The following ALKBH1 variants were observed in gnomAD, a reference collection of about 807,000 sequenced individuals.
ALKBH1 encodes the protein nucleic acid dioxygenase ALKBH1.
A neutral mutation model predicts 36.6 loss-of-function variants in ALKBH1; 31 were observed. The ratio of observed to expected loss-of-function variants is 0.85; its 90% CI spans 0.64 to 1.14. The LOEUF (loss-of-function observed/expected upper bound fraction) is 1.14, where lower values mean the gene tolerates loss of function less well. Among genes scored for constraint, ALKBH1 ranks in the 50% most tolerant of loss-of-function variants. The pLI is 0.00. For synonymous variants in ALKBH1, 183 were observed against 186.6 expected (o/e 0.98, Z 0.16); for missense variants, 490 against 497.3 (o/e 0.99, Z 0.14).
At chr14:77,687,121 C>T (rs2080272306) in intron 3 of ALKBH1, among the ~76,000 whole-genome samples, 1 of 152,152 alleles carries the variant, frequency 6.6e-6, no homozygotes, top group South Asian at 2.1e-4. Context: ...TAGTTTTGTT[C>T]TTATTTCCTT....
At position 77,679,782 on chromosome 14, in the gene ALKBH1, T is replaced by G; in HGVS notation, c.546+98A>C. ...AGAAAGGGATCCTCCCACAAATGTATAATCTTGATATCTTAAGCGTGGTTA... is the reference window on the plus strand; with the variant it reads ...AGAAAGGGATCCTCCCACAAATGTAGAATCTTGATATCTTAAGCGTGGTTA... On this transcript the variant is annotated intron_variant, in intron 4 of 5. Coordinates refer to ENST00000216489, the MANE Select transcript of ALKBH1 (RefSeq NM_006020.3). The G allele has an allele frequency of 3.3e-6, 3 of 920,544 alleles. No individual in the cohort carries two copies. The South Asian group carries it at 4.5e-5, about 14-fold the overall frequency. 57.0% of individuals were successfully genotyped at this position (920,544 alleles called of 1,614,324 possible). A position where few individuals can be genotyped will look rare whatever the true frequency, so the allele number is the denominator to read the frequency against.
At chr14:77,703,091 A>G (rs1452564328) in intron 2 of ALKBH1, among the ~76,000 whole-genome samples, 1 of 151,870 alleles carries the variant, frequency 6.6e-6, no homozygotes, top group Non-Finnish European at 1.5e-5. Flanking sequence ...GGTTGCAGTG[A>G]GCTGAGATTG....
chr14:77,704,857 G>A (rs1420242083), intron 1 of ALKBH1, among the ~76,000 whole-genome samples: 1 of 152,178 alleles, frequency 6.6e-6, no homozygotes, highest in Non-Finnish European at 1.5e-5. Flanking sequence ...AGTAACAGTA[G>A]AGTCACCCAA....
intron 3 of ALKBH1, among the ~76,000 whole-genome samples, chr14:77,682,581 G>A (rs2080243861): frequency 6.6e-6 from 1 of 152,106 alleles, no homozygotes; most frequent in African/African-American, 2.4e-5. Context: ...TTGAGGAGGG[G>A]GAAAAGAGAG....
chr14:77,694,857 C>A lies in ALKBH1; in HGVS notation c.336G>T (p.Trp112Cys). ...IPNPFLPGYQ[W>C]HWVKQCLKLY... ...ACTTAAGGCACTGTTTCACCCAGTGCCACTGGTAACCTGGGAGGAAGGGGT... is the reference window on the plus strand; with the variant it reads ...ACTTAAGGCACTGTTTCACCCAGTGACACTGGTAACCTGGGAGGAAGGGGT... The change falls in exon 3 of 6, where the codon TGG becomes TGT. Residue 112 changes from tryptophan to cysteine, a missense_variant. Coordinates refer to ENST00000216489, the MANE Select transcript of ALKBH1 (RefSeq NM_006020.3). 1 of 1,582,142 alleles carries A rather than the reference C, an allele frequency of 6.3e-7. No homozygotes were observed. The highest frequency in any genetic ancestry group is 8.6e-7 in the Non-Finnish European group (1 of 1,166,286).
rs193191801 is a variant in ALKBH1 at position 77,704,409 on chromosome 14, G to A, written c.252C>T (p.Pro84=). ...EQNAYRAGLQ[P]VSKWQAYGLK... ...GTCCATAGGCTTGCCACTTGCTGAC[G>A]GGCTGAAGACCTGCTCTATATGCAT... Residue 84 remains proline (P), a synonymous_variant, in exon 2 of 6, where the codon CCC becomes CCT. Transcript: ENST00000216489. 2.5e-5 allele frequency: 41 copies of A among 1,614,050 alleles called. No homozygotes were observed. The highest frequency in any genetic ancestry group is 1.1e-4 in the South Asian group (10 of 91,066).
intron 4 of ALKBH1, among the ~76,000 whole-genome samples, chr14:77,679,485 C>A (rs929574295): frequency 4.0e-5 from 6 of 151,862 alleles, no homozygotes; most frequent in African/African-American, 1.5e-4. Context: ...GGCTGGAGTG[C>A]AGTGGTGCGA....
At chr14:77,683,931 C>A in intron 3 of ALKBH1, 1 of 153,510 alleles carries the variant, frequency 6.5e-6, no homozygotes, top group South Asian at 1.9e-4. Flanking sequence ...ACTCCGTTTT[C>A]TAAAAGGCCT....
At chr14:77,680,211 A>T (rs2080229156) in intron 3 of ALKBH1, among the ~76,000 whole-genome samples, 1 of 142,502 alleles carries the variant, frequency 7.0e-6, no homozygotes, top group African/African-American at 2.5e-5. Context: ...TCAACTTTAA[A>T]TCACAAGCCT....
chr14:77,707,468 G>GT (rs1158790720), intron 1 of ALKBH1, among the ~76,000 whole-genome samples: 12 of 151,956 alleles, frequency 7.9e-5, no homozygotes, highest in East Asian at 1.9e-4. Context: ...CTCGGGAGTG[G>GT]TTTTTTTTAA....
chr14:77,696,000 G>A (rs1035947661), intron 2 of ALKBH1, among the ~76,000 whole-genome samples: 9 of 152,048 alleles, frequency 5.9e-5, no homozygotes, highest in African/African-American at 1.4e-4. Context: ...GCTGAGGCAG[G>A]AGAATCACTT....
chr14:77,687,418 C>T (rs2080273801), intron 3 of ALKBH1, among the ~76,000 whole-genome samples: 1 of 152,200 alleles, frequency 6.6e-6, no homozygotes, highest in African/African-American at 2.4e-5. Context: ...AATACTCCTA[C>T]ATACTTAAGA....
rs767157305 is a variant in ALKBH1, at chr14:77,708,013, C to T, written c.-9G>A. ...GCTGCCATCTTCCCCATCTCGCGGCCTATACCCTCTGATCCGGAAGCAGAT... is the reference window on the plus strand; with the variant it reads ...GCTGCCATCTTCCCCATCTCGCGGCTTATACCCTCTGATCCGGAAGCAGAT... On this transcript the variant is annotated 5_prime_UTR_variant, in exon 1 of 6. Coordinates refer to ENST00000216489, the MANE Select transcript of ALKBH1 (RefSeq NM_006020.3). 2.5e-6 allele frequency: 4 copies of T among 1,609,648 alleles called. No homozygotes were observed. The highest frequency in any genetic ancestry group is 3.4e-6 in the Non-Finnish European group (4 of 1,177,254).
intron 3 of ALKBH1, among the ~76,000 whole-genome samples, chr14:77,681,764 G>C (rs1166258054): frequency 6.6e-6 from 1 of 152,158 alleles, no homozygotes; most frequent in African/African-American, 2.4e-5. Context: ...TTTGCTTCTG[G>C]GAGTCTGTGA....
chr14:77,684,911 C>A (rs2080259464), intron 3 of ALKBH1, among the ~76,000 whole-genome samples: 1 of 152,088 alleles, frequency 6.6e-6, no homozygotes. Flanking sequence ...ATAAACATAA[C>A]AATAATGCTG....
At chr14:77,677,602 T>G (rs2080212924) in intron 4 of ALKBH1, among the ~76,000 whole-genome samples, 1 of 152,226 alleles carries the variant, frequency 6.6e-6, no homozygotes. Flanking sequence ...GCAGCAGTCA[T>G]AGGTCTGGAC....
chr14:77,698,229 G>C (rs534153643), intron 2 of ALKBH1, among the ~76,000 whole-genome samples: 50 of 152,286 alleles, frequency 3.3e-4, no homozygotes, highest in Middle Eastern at 6.8e-3. Context: ...AGCCAACAGG[G>C]AAGAGCCACT....
chr14:77,690,104 G>C (rs1021540985), intron 3 of ALKBH1, among the ~76,000 whole-genome samples: 1 of 151,816 alleles, frequency 6.6e-6, no homozygotes, highest in Non-Finnish European at 1.5e-5. Flanking sequence ...GATGATATTA[G>C]AACAAAGACT....
At chr14:77,691,674 C>A (rs148718409) in intron 3 of ALKBH1, 1 of 152,018 alleles carries the variant, frequency 6.6e-6, no homozygotes, top group Non-Finnish European at 1.5e-5. Context: ...ACATAAGGTA[C>A]GACCATCAAA....
Sources: allele counts gnomAD v4.1 joint callset (sites outside exome capture counted in the v4.1 genomes callset), GRCh38; gene constraint gnomAD v4.1.1; transcripts MANE v1.5; gene names NCBI Gene and HGNC (gene_info 2026-07-23, HGNC 2026-07-21).